The following WDFY3 variants were observed in gnomAD, a reference collection of about 807,000 sequenced individuals.
The protein encoded by WDFY3 is WD repeat and FYVE domain-containing protein 3.
A neutral mutation model predicts 409.6 loss-of-function variants in WDFY3; 66 were observed. That is an observed-to-expected ratio of 0.16 (90% CI 0.13 to 0.20). The LOEUF is 0.20. Among genes scored for constraint, WDFY3 ranks in the 10% least tolerant of loss-of-function variants. WDFY3 has a pLI of 1.00. For synonymous variants in WDFY3, 1,521 were observed against 1,537.1 expected, an observed-to-expected ratio of 0.99 and a Z score of 0.25; for missense variants, 3,031 against 4,298.1, an observed-to-expected ratio of 0.71 and a Z score of 8.24.
At chr4:84,775,764 C>G (rs1318574874) in intron 27 of WDFY3, among the ~76,000 whole-genome samples, 1 of 150,666 alleles carries the variant, frequency 6.6e-6, no homozygotes, top group African/African-American at 2.4e-5. Flanking sequence ...ATCAATAAAC[C>G]CAAGCAGAAG....
chr4:84,736,302 T>C lies in WDFY3; in HGVS notation c.6783A>G (p.Arg2261=). The change falls in exon 42 of 68, where the codon CGA becomes CGG. Residue 2261 remains arginine (R), a synonymous_variant. Coordinates refer to ENST00000295888, the MANE Select transcript of WDFY3 (RefSeq NM_014991.6). ...HLAHEKKCIS[R]GEALAPTTQS... is the part of the protein sequence containing the mutation. ...GTGTGGTGGGCGCTAAAGCTTCTCCTCGACTTATGCATTTCTTTTCATGGG... is the reference window on the plus strand; with the variant it reads ...GTGTGGTGGGCGCTAAAGCTTCTCCCCGACTTATGCATTTCTTTTCATGGG... 8.7e-6 allele frequency: 14 copies of C among 1,603,792 alleles called. No individual in the cohort carries two copies. Among genetic ancestry groups the C allele is most frequent in the Non-Finnish European group, 1.1e-5 (13 of 1,176,108 alleles).
intron 5 of WDFY3, 58 bp downstream of exon 5, chr4:84,849,844 T>C (rs988493903): frequency 2.5e-6 from 4 of 1,595,788 alleles, no homozygotes; most frequent in East Asian, 2.3e-5. Flanking sequence ...AATGGGACTT[T>C]TACAGAACTG....
At chr4:84,914,136 T>C (rs577663566) in intron 2 of WDFY3, among the ~76,000 whole-genome samples, 3 of 152,212 alleles carry the variant, frequency 2.0e-5, no homozygotes, top group South Asian at 4.1e-4. Flanking sequence ...CAGTAGGTTA[T>C]TAGGGCCGGG....
chr4:84,853,585 T>C (rs548820479), intron 4 of WDFY3, among the ~76,000 whole-genome samples: 2 of 152,310 alleles, frequency 1.3e-5, no homozygotes, highest in African/African-American at 4.8e-5. Context: ...CTAATAGTTA[T>C]TAGGACAACT....
chr4:84,764,272 T>C (rs1232668445), intron 32 of WDFY3, among the ~76,000 whole-genome samples: 1 of 152,198 alleles, frequency 6.6e-6, no homozygotes. Context: ...TTATTTATTC[T>C]CCAGTAGGTA....
intron 49 of WDFY3, among the ~76,000 whole-genome samples, 162 bp from the exon 50 acceptor site, chr4:84,715,545 C>A (rs904945313): frequency 1.3e-5 from 2 of 152,016 alleles, no homozygotes; most frequent in Non-Finnish European, 2.9e-5. Flanking sequence ...GAGGCCAAGG[C>A]GGGTGGATCA....
intron 56 of WDFY3, 42 bp from the exon 57 acceptor site, chr4:84,696,865 T>C (rs201771759): frequency 6.0e-5 from 91 of 1,528,028 alleles, no homozygotes; most frequent in Admixed American, 1.7e-4. Context: ...AAAGAAAGAA[T>C]GGGATAAATG....
chr4:84,739,292 T>A (rs1737994537), intron 39 of WDFY3, 173 bp from the exon 40 acceptor site: 1 of 583,780 alleles, frequency 1.7e-6, no homozygotes, highest in Admixed American at 3.0e-5. Flanking sequence ...GGTGATCAAA[T>A]AAATCCACCT....
intron 5 of WDFY3, among the ~76,000 whole-genome samples, chr4:84,843,549 C>T (rs564197293): frequency 1.6e-4 from 24 of 152,224 alleles, no homozygotes; most frequent in African/African-American, 5.8e-4. Flanking sequence ...TATGCACCAC[C>T]ATGCCTGGCT....
At chr4:84,784,891 T>TATATACACAC (rs1238884117) in intron 24 of WDFY3, among the ~76,000 whole-genome samples, 24 of 36,926 alleles carry the variant, frequency 6.5e-4, no homozygotes, top group African/African-American at 1.8e-3. Context: ...TATATATATA[T>TATATACACAC]ACACACACAC....
chr4:84,719,300 T>C (rs1734463253), intron 47 of WDFY3, among the ~76,000 whole-genome samples: 1 of 152,214 alleles, frequency 6.6e-6, no homozygotes, highest in South Asian at 2.1e-4. Context: ...GCAGAAGTTG[T>C]ATTTTCCTCA....
intron 66 of WDFY3, 110 bp from the exon 67 acceptor site, chr4:84,677,506 G>A (rs1168203692): frequency 1.9e-6 from 2 of 1,053,700 alleles, no homozygotes; most frequent in Non-Finnish European, 2.6e-6. Context: ...GGCTGGTAAG[G>A]GTCCTGGAGA....
chr4:84,931,822 G>T (rs1447642698), intron 2 of WDFY3, among the ~76,000 whole-genome samples: 4 of 152,002 alleles, frequency 2.6e-5, no homozygotes, highest in African/African-American at 9.7e-5. Context: ...ACTAAGGGTA[G>T]CCACAGTACT....
intron 2 of WDFY3, among the ~76,000 whole-genome samples, chr4:84,920,186 A>G (rs1052679127): frequency 6.6e-6 from 1 of 152,186 alleles, no homozygotes; most frequent in Non-Finnish European, 1.5e-5. Context: ...AAGACATCAA[A>G]TATAAACGCA....
Position 84,696,713 on chromosome 4 carries a change from T to C in WDFY3, c.8688+19A>G. 6.2e-7 allele frequency: 1 copy of C among 1,610,556 alleles called. No homozygotes were observed. Among genetic ancestry groups the C allele is most frequent in the Non-Finnish European group, 8.5e-7 (1 of 1,177,424 alleles). On this transcript the variant is annotated intron_variant, in intron 57 of 67. Transcript: ENST00000295888. Reference sequence around the variant, plus strand: ...ACCAAATGAAATTCAACTTCAATTGTAAAATGTACTTCCATTACCTCACGA... The same window carrying C: ...ACCAAATGAAATTCAACTTCAATTGCAAAATGTACTTCCATTACCTCACGA...
At position 84,794,669 on chromosome 4, in the gene WDFY3, A is replaced by G. The variant is rs750414818; in HGVS notation, c.3337T>C (p.Ser1113Pro). 2.4e-5 allele frequency: 38 copies of G among 1,613,906 alleles called. No individual in the cohort carries two copies. Among genetic ancestry groups the G allele is most frequent in the African/African-American group, 1.3e-5 (1 of 74,884 alleles). The change falls in exon 21 of 68, where the codon TCT (serine) becomes CCT (proline). Residue 1113 changes from serine (S) to proline (P), a missense_variant. Ser to Pro is a moderately conservative substitution (Grantham distance 74, BLOSUM62 -1). This residue lies in a region of WDFY3 where 1,322 missense variants were observed against 1,697.9 expected (regional missense o/e 0.78). Coordinates refer to ENST00000295888, the MANE Select transcript of WDFY3 (RefSeq NM_014991.6). ...CTGACAGGGTGGTTATTTGGAGGAG[A>G]ACTAAAATGTTCAATACAAAACCAG... ...SSWFCIEHFSSPPNNHPVRLL... is the reference protein window; with the variant it reads ...SSWFCIEHFSPPPNNHPVRLL...
At chr4:84,850,291 T>A (rs1309490935) in intron 4 of WDFY3, among the ~76,000 whole-genome samples, 1 of 151,762 alleles carries the variant, frequency 6.6e-6, no homozygotes, top group Admixed American at 6.6e-5. Flanking sequence ...TTTGAATCAA[T>A]CTCACGAAAA....
In WDFY3 at chr4:84,966,365, G is replaced by A. The variant is rs1469306607; in HGVS notation, c.-382C>T. On this transcript the variant is annotated 5_prime_UTR_variant, in exon 1 of 68. Coordinates refer to ENST00000295888, the MANE Select transcript of WDFY3 (RefSeq NM_014991.6). ...AGCCCCGCGCCGCGGGCCGGGGGCC[G>A]GGGCCCGAGCTCGATTCTGCGGCCG... The A allele has an allele frequency of 6.7e-6, 1 of 150,134 alleles. No homozygotes were observed. Among genetic ancestry groups the A allele is most frequent in the East Asian group, 2.0e-4 (1 of 5,064 alleles). The allele number at this position is 150,134 out of a possible 1,614,324, so 9.3% of individuals were successfully genotyped here.
intron 2 of WDFY3, among the ~76,000 whole-genome samples, chr4:84,911,499 A>G (rs188515048): frequency 3.7e-4 from 56 of 152,266 alleles, no homozygotes; most frequent in African/African-American, 1.3e-3. Flanking sequence ...AAAAAAGAAA[A>G]AAGGGCAAAG....
Sources: gnomAD v4.1 joint callset for allele counts (sites outside exome capture counted in the v4.1 genomes callset) on GRCh38, gnomAD v4.1.1 for gene constraint, gnomAD v4.1.1 regional missense constraint, MANE v1.5 for transcripts, NCBI Gene and HGNC (gene_info 2026-07-23, HGNC 2026-07-21) for gene names.